The following CACNA1E variants were observed in gnomAD, a reference collection of about 807,000 sequenced individuals.
The protein encoded by CACNA1E is calcium voltage-gated channel subunit alpha1 E.
In CACNA1E, 40 loss-of-function variants were observed where a neutral mutation model predicts 259.2. That is an observed-to-expected ratio of 0.15 (90% CI 0.12 to 0.20). The LOEUF is 0.20. Among genes scored for constraint, CACNA1E ranks in the 10% least tolerant of loss-of-function variants. The pLI is 1.00. For synonymous variants in CACNA1E, 1,104 were observed against 1,138.5 expected, an observed-to-expected ratio of 0.97 and a Z score of 0.61; for missense variants, 1,874 against 3,040.1, an observed-to-expected ratio of 0.62 and a Z score of 9.02.
At chr1:181,466,013 A>G (rs1662129959) in intron 2 of CACNA1E, among the ~76,000 whole-genome samples, 1 of 152,036 alleles carries the variant, frequency 6.6e-6, no homozygotes, top group Non-Finnish European at 1.5e-5. Flanking sequence ...TTCAGCCCAT[A>G]AATCCATGTC....
chr1:181,517,912 T>C (rs1025721573), intron 3 of CACNA1E, among the ~76,000 whole-genome samples: 1 of 152,146 alleles, frequency 6.6e-6, no homozygotes, highest in African/African-American at 2.4e-5. Context: ...GAGTTGTGAA[T>C]GCAGTCCTCA....
chr1:181,520,185 C>T (rs993043167), intron 3 of CACNA1E, among the ~76,000 whole-genome samples: 5 of 152,086 alleles, frequency 3.3e-5, no homozygotes, highest in Admixed American at 6.6e-5. Context: ...CTCCATTTTA[C>T]GGATGAGGAA....
chr1:181,721,946 G>A, intron 16 of CACNA1E, 71 bp downstream of exon 16: 2 of 1,003,426 alleles, frequency 2.0e-6, no homozygotes, highest in South Asian at 1.3e-5. Context: ...GGCATTGGTG[G>A]TGGTGGTGCT....
chr1:181,561,396 C>T (rs961410537), intron 3 of CACNA1E, among the ~76,000 whole-genome samples: 2 of 152,156 alleles, frequency 1.3e-5, no homozygotes, highest in African/African-American at 4.8e-5. Flanking sequence ...CTACCATAAT[C>T]AAGATATAGA....
chr1:181,756,598 C>T (rs1658108910), intron 29 of CACNA1E, among the ~76,000 whole-genome samples: 2 of 152,156 alleles, frequency 1.3e-5, no homozygotes, highest in Non-Finnish European at 1.5e-5. Flanking sequence ...ATGACTAAGA[C>T]ACCACTCTCT....
chr1:181,358,538 CTTT>C (rs753379196), intron 1 of CACNA1E, among the ~76,000 whole-genome samples: 13 of 152,126 alleles, frequency 8.5e-5, no homozygotes, highest in Non-Finnish European at 4.4e-5. Context: ...TAAAGAGCTT[CTTT>C]ATTGTGGCTG....
chr1:181,551,602 C>T (rs1237226309), intron 3 of CACNA1E, among the ~76,000 whole-genome samples: 1 of 152,090 alleles, frequency 6.6e-6, no homozygotes. Flanking sequence ...TCCACAGCAA[C>T]CTTGGTGGGG....
intron 1 of CACNA1E, among the ~76,000 whole-genome samples, chr1:181,341,970 C>G (rs1380978607): frequency 6.6e-6 from 1 of 152,140 alleles, no homozygotes; most frequent in Non-Finnish European, 1.5e-5. Context: ...AAGACGCTTC[C>G]CACAGTGACA....
chr1:181,451,515 A>T (rs1302466773), intron 2 of CACNA1E, among the ~76,000 whole-genome samples: 2 of 152,018 alleles, frequency 1.3e-5, no homozygotes, highest in African/African-American at 4.8e-5. Context: ...GTGAAACCCC[A>T]TCTCTACTAA....
intron 1 of CACNA1E, among the ~76,000 whole-genome samples, chr1:181,509,046 G>A (rs1437270630): frequency 1.3e-5 from 2 of 152,090 alleles, no homozygotes; most frequent in Non-Finnish European, 2.9e-5. Context: ...AGCTGCTGGC[G>A]AGTGAGTGTG....
Position 181,718,042 on chromosome 1 carries a change from T to G in CACNA1E, c.1526-13T>G. 2.2e-6 allele frequency: 3 copies of G among 1,376,136 alleles called. No homozygotes were observed. The highest frequency in any genetic ancestry group is 3.1e-6 in the Non-Finnish European group (3 of 965,562). 85.2% of individuals were successfully genotyped at this position (1,376,136 alleles called of 1,614,324 possible). A position where few individuals can be genotyped will look rare whatever the true frequency, so the allele number is the denominator to read the frequency against. On this transcript the variant is annotated splice_polypyrimidine_tract_variant and intron_variant, in intron 11 of 47. Coordinates refer to ENST00000367573, the MANE Select transcript of CACNA1E (RefSeq NM_001205293.3). Reference sequence around the variant, plus strand: ...CACATGTGGAACCAATGCTCTACTTTTAATACTTCCAGACTATGCAGAATT... The same window carrying G: ...CACATGTGGAACCAATGCTCTACTTGTAATACTTCCAGACTATGCAGAATT...
chr1:181,364,779 A>T (rs986613607), intron 1 of CACNA1E, among the ~76,000 whole-genome samples: 11 of 152,160 alleles, frequency 7.2e-5, no homozygotes, highest in African/African-American at 2.7e-4. Context: ...TGAGGGTGCC[A>T]TGGGGTGTGG....
intron 6 of CACNA1E, among the ~76,000 whole-genome samples, chr1:181,585,019 C>A (rs188901913): frequency 0.011 from 1,584 of 149,552 alleles, 29 homozygotes; most frequent in African/African-American, 0.037. Context: ...GGTCCCCCCC[C>A]CTGCCTCAAA....
Position 181,750,458 on chromosome 1 carries a change from T to C in CACNA1E, c.3720-18T>C. ...TTTATTTTGATTTTCTACTGCTCTCTGATTGGATCCTCCATAGGAACGCTT... is the reference window on the plus strand; with the variant it reads ...TTTATTTTGATTTTCTACTGCTCTCCGATTGGATCCTCCATAGGAACGCTT... On this transcript the variant is annotated intron_variant, in intron 25 of 47. Transcript: ENST00000367573. 1 of 1,612,672 alleles carries C rather than the reference T, an allele frequency of 6.2e-7. No individual in the cohort carries two copies. The highest frequency in any genetic ancestry group is 1.1e-5 in the South Asian group (1 of 91,034).
chr1:181,487,023 ATTTTT>A (rs113857890), intron 1 of CACNA1E, among the ~76,000 whole-genome samples: 1 of 145,250 alleles, frequency 6.9e-6, no homozygotes, highest in Non-Finnish European at 1.5e-5. Flanking sequence ...TAAGTGCCAG[ATTTTT>A]TTTTTTTTTT....
chr1:181,411,298 G>C (rs1478361486), intron 1 of CACNA1E, among the ~76,000 whole-genome samples: 1 of 152,142 alleles, frequency 6.6e-6, no homozygotes, highest in East Asian at 1.9e-4. Flanking sequence ...TCTAGTACCA[G>C]CCACCCACCT....
In CACNA1E at chr1:181,559,126, C is replaced by CA. The variant is rs1387532564; in HGVS notation, c.513-18640_513-18639insA. Among the ~76,000 whole-genome samples, 3 of 152,168 alleles carry CA rather than the reference C, an allele frequency of 2.0e-5. 1 individual carries two copies. In the East Asian group the frequency reaches 5.8e-4, roughly 29 times the overall value. ...AGATCACAGAGATCAGTGGAGACAG[C>CA]CTGAATCTTGCAGGGCCTGGGAGAG... On this transcript the variant is annotated intron_variant, in intron 3 of 47. Transcript: ENST00000367573.
In CACNA1E at chr1:181,558,537, C is replaced by A. The variant is rs76855605; in HGVS notation, c.513-19229C>A. Among the ~76,000 whole-genome samples the A allele has an allele frequency of 8.7e-3, 1,318 of 152,232 alleles. 22 individuals are homozygous for A. The highest frequency in any genetic ancestry group is 0.029 in the African/African-American group (1,221 of 41,512). On this transcript the variant is annotated intron_variant, in intron 3 of 47. Coordinates refer to ENST00000367573, the MANE Select transcript of CACNA1E (RefSeq NM_001205293.3). Reference sequence around the variant, plus strand: ...CATGCTGAACAGTGTTGAGGAGGAGCAGTTTAAACCTAGCCAGGGTGAGGT... The same window carrying A: ...CATGCTGAACAGTGTTGAGGAGGAGAAGTTTAAACCTAGCCAGGGTGAGGT...
chr1:181,516,343 C>CCACA (rs3080529), intron 3 of CACNA1E, among the ~76,000 whole-genome samples: 4,654 of 143,392 alleles, frequency 0.032, 112 homozygotes, highest in African/African-American at 0.06. Flanking sequence ...GTGCCAAAGA[C>CCACA]CACACACACA....
Sources: allele counts gnomAD v4.1 joint callset (sites outside exome capture counted in the v4.1 genomes callset), GRCh38; gene constraint gnomAD v4.1.1; transcripts MANE v1.5; gene names NCBI Gene and HGNC (gene_info 2026-07-23, HGNC 2026-07-21).